The following CCDC66 variants were observed in gnomAD, a reference collection of about 807,000 sequenced individuals.
The protein encoded by CCDC66 is coiled-coil domain-containing protein 66.
A neutral mutation model predicts 128.3 loss-of-function variants in CCDC66; 133 were observed. The observed-to-expected ratio is 1.04, with a 90% CI of 0.90 to 1.20. The LOEUF is 1.20. Among genes scored for constraint, CCDC66 ranks in the 50% most tolerant of loss-of-function variants. CCDC66 has a pLI of 0.00. For missense variants in CCDC66, 1,126 were observed against 1,075.5 expected, an observed-to-expected ratio of 1.05 and a Z score of -0.66; for synonymous variants, 387 against 357.0, an observed-to-expected ratio of 1.08 and a Z score of -0.95.
At chr3:56,619,086 C>T (rs1351368852) in intron 15 of CCDC66, 185 bp from the exon 16 acceptor site, 13 of 524,808 alleles carry the variant, frequency 2.5e-5, no homozygotes, top group South Asian at 1.0e-4. Flanking sequence ...GGCACTGTGG[C>T]GTGCGCCTGT....
At chr3:56,597,160 C>T (rs1410938005) in intron 10 of CCDC66, among the ~76,000 whole-genome samples, 1 of 151,896 alleles carries the variant, frequency 6.6e-6, no homozygotes, top group Non-Finnish European at 1.5e-5. Flanking sequence ...AGAGTGTGTG[C>T]TTTCCCCAAC....
rs199546577 is a variant in CCDC66 at position 56,603,549 on chromosome 3, T to TAGTC, written c.1404+9523_1404+9526dup. On this transcript the variant is annotated intron_variant, in intron 10 of 17. Coordinates refer to ENST00000394672, the MANE Select transcript of CCDC66 (RefSeq NM_001141947.3). ...TGTCTTAATTTCGTTATTTACCCAG[T>TAGTC]AGTCATTCAGGAGCAGGTTGGTCAT... Among the ~76,000 whole-genome samples the TAGTC allele has an allele frequency of 9.4e-3, 1,436 of 152,240 alleles. 39 individuals are homozygous for TAGTC. The highest frequency in any genetic ancestry group is 0.032 in the African/African-American group (1,325 of 41,474).
In CCDC66 at chr3:56,566,732, C is replaced by T. The variant is rs1243493163; in HGVS notation, c.683C>T (p.Ser228Phe). Residue 228 changes from serine (S) to phenylalanine (F), a missense_variant, in exon 5 of 18, where the codon TCT becomes TTT. Coordinates refer to ENST00000394672, the MANE Select transcript of CCDC66 (RefSeq NM_001141947.3). ...KSVLNEHQET[S>F]KQCEQKIAIE... ...GTCTTAAATGAACATCAGGAGACATCTAAACAGTGTGAGCAAAAAATTGCC... is the reference window on the plus strand; with the variant it reads ...GTCTTAAATGAACATCAGGAGACATTTAAACAGTGTGAGCAAAAAATTGCC... 1 of 1,612,284 alleles carries T rather than the reference C, an allele frequency of 6.2e-7. No individual in the cohort carries two copies. The highest frequency in any genetic ancestry group is 8.5e-7 in the Non-Finnish European group (1 of 1,179,396).
At chr3:56,572,871 C>T (rs1226434586) in intron 7 of CCDC66, 1 of 152,264 alleles carries the variant, frequency 6.6e-6, no homozygotes, top group African/African-American at 2.4e-5. Context: ...CCCAAAAGCA[C>T]ATTGACTGAA....
chr3:56,588,396 C>T (rs943985482), intron 7 of CCDC66, among the ~76,000 whole-genome samples: 2 of 152,034 alleles, frequency 1.3e-5, no homozygotes, highest in Non-Finnish European at 2.9e-5. Context: ...TCACAGATCA[C>T]CACTAAAGAA....
intron 2 of CCDC66, among the ~76,000 whole-genome samples, chr3:56,559,336 AT>A (rs912167449): frequency 4.0e-5 from 6 of 151,144 alleles, no homozygotes; most frequent in Admixed American, 6.6e-5. Context: ...TCTCCTTCGC[AT>A]TTTTTTTTCT....
At chr3:56,559,226 T>G (rs971336735) in intron 2 of CCDC66, among the ~76,000 whole-genome samples, 1 of 152,204 alleles carries the variant, frequency 6.6e-6, no homozygotes, top group Non-Finnish European at 1.5e-5. Flanking sequence ...TCTTTGCATG[T>G]AAAGAATGTA....
intron 7 of CCDC66, among the ~76,000 whole-genome samples, chr3:56,587,965 T>G (rs1406440193): frequency 6.6e-6 from 1 of 152,252 alleles, no homozygotes; most frequent in South Asian, 2.1e-4. Flanking sequence ...GGAAAAGAAG[T>G]CATTATACGG....
Position 56,571,250 on chromosome 3 carries a change from C to G in CCDC66, c.884C>G (p.Ser295Cys), listed in dbSNP as rs2066571878. Reference sequence around the variant, plus strand: ...AAATGGAATGATCCTTGGAAAAAATCTGAAAGTGATAAAATAATATGGGAA... The same window carrying G: ...AAATGGAATGATCCTTGGAAAAAATGTGAAAGTGATAAAATAATATGGGAA... ...SEKWNDPWKK[S>C]ESDKIIWEKH... The change falls in exon 7 of 18, where the codon TCT becomes TGT. Residue 295 changes from serine (S) to cysteine (C), a missense_variant. Coordinates refer to ENST00000394672, the MANE Select transcript of CCDC66 (RefSeq NM_001141947.3). The G allele has an allele frequency of 6.5e-7, 1 of 1,545,428 alleles. No homozygotes were observed. Among genetic ancestry groups the G allele is most frequent in the Non-Finnish European group, 8.8e-7 (1 of 1,132,062 alleles).
chr3:56,564,280 T>C (rs1008169489), intron 4 of CCDC66, 155 bp downstream of exon 4: 1 of 566,984 alleles, frequency 1.8e-6, no homozygotes, highest in Non-Finnish European at 3.0e-6. Flanking sequence ...CTTTCTCTAA[T>C]ATGCAAAATT....
intron 7 of CCDC66, among the ~76,000 whole-genome samples, chr3:56,590,667 G>A (rs1416537868): frequency 6.6e-6 from 1 of 152,080 alleles, no homozygotes; most frequent in Non-Finnish European, 1.5e-5. Context: ...TCTGAGGCAG[G>A]AGGATCACTT....
intron 14 of CCDC66, chr3:56,617,922 G>A: frequency 1.7e-6 from 1 of 573,300 alleles, no homozygotes; most frequent in African/African-American, 1.9e-5. Flanking sequence ...TTCTGTAGAT[G>A]GATGCTGTGT....
At chr3:56,564,234 C>A in intron 4 of CCDC66, 109 bp downstream of exon 4, 1 of 748,682 alleles carries the variant, frequency 1.3e-6, no homozygotes, top group Non-Finnish European at 2.1e-6. Context: ...CTAATTTAAC[C>A]TGTCAATCTA....
At position 56,617,474 on chromosome 3, in the gene CCDC66, A is replaced by G; in HGVS notation, c.2206A>G (p.Met736Val). Reference sequence around the variant, plus strand: ...AGAAGAAAAAAAAGTAAGGAGGCAGATGGAATTGCTTCATTTGGTAGAAAA... The same window carrying G: ...AGAAGAAAAAAAAGTAAGGAGGCAGGTGGAATTGCTTCATTTGGTAGAAAA... ...QREEKKVRRQ[M>V]ELLHLVEKNN... Residue 736 changes from methionine (M) to valine (V), a missense_variant, in exon 14 of 18, where the codon ATG becomes GTG. Coordinates refer to ENST00000394672, the MANE Select transcript of CCDC66 (RefSeq NM_001141947.3). 6.2e-7 allele frequency: 1 copy of G among 1,614,116 alleles called. No individual in the cohort carries two copies. The highest frequency in any genetic ancestry group is 8.5e-7 in the Non-Finnish European group (1 of 1,179,996).
Position 56,615,143 on chromosome 3 carries a change from A to T in CCDC66, c.1582A>T (p.Lys528Ter), listed in dbSNP as rs1299912052. The change falls in exon 12 of 18, where the codon AAG (lysine) becomes TAG (stop). Residue 528 changes from lysine to a stop codon, truncating the protein, a stop_gained. Coordinates refer to ENST00000394672, the MANE Select transcript of CCDC66 (RefSeq NM_001141947.3). LOFTEE classifies it high-confidence loss of function. The part of the protein sequence containing the change: ...QKQKEEIMTL[K>*]TNELFQTMQR... Reference sequence around the variant, plus strand: ...ATATTGACAGGAAATCATGACTCTCAAGACAAATGAGCTATTCCAGACAAT... The same window carrying T: ...ATATTGACAGGAAATCATGACTCTCTAGACAAATGAGCTATTCCAGACAAT... The T allele has an allele frequency of 3.0e-5, 48 of 1,613,426 alleles. No homozygotes were observed. Among genetic ancestry groups the T allele is most frequent in the Non-Finnish European group, 4.0e-5 (47 of 1,179,712 alleles).
chr3:56,615,392 GCC>G, intron 12 of CCDC66, 120 bp downstream of exon 12: 1 of 923,136 alleles, frequency 1.1e-6, no homozygotes, highest in Non-Finnish European at 1.6e-6. Context: ...GTGCAGTGGT[GCC>G]ATCACAGCTC....
rs1044937164 is a variant in CCDC66 at position 56,563,578 on chromosome 3, C to T, written c.103-106C>T. 18 of 854,772 alleles carry T rather than the reference C, an allele frequency of 2.1e-5. No individual in the cohort carries two copies. The Admixed American group carries it at 4.8e-4, about 23-fold the overall frequency. 52.9% of individuals were successfully genotyped at this position (854,772 alleles called of 1,614,324 possible). On this transcript the variant is annotated intron_variant, in intron 3 of 17. Transcript: ENST00000394672. Reference sequence around the variant, plus strand: ...TCTTATGGTTATATTACCTAAATAGCAAAATGGAAAAAAGTTTAGAGGACT... The same window carrying T: ...TCTTATGGTTATATTACCTAAATAGTAAAATGGAAAAAAGTTTAGAGGACT...
intron 4 of CCDC66, chr3:56,565,298 G>C (rs2065654292): frequency 5.3e-6 from 1 of 187,826 alleles, no homozygotes; most frequent in Non-Finnish European, 1.1e-5. Context: ...TTTTGAGATG[G>C]GGTCTCGCTT....
chr3:56,607,387 T>G (rs2074226731), intron 10 of CCDC66, among the ~76,000 whole-genome samples: 1 of 152,182 alleles, frequency 6.6e-6, no homozygotes, highest in African/African-American at 2.4e-5. Context: ...CCTAAGTATT[T>G]TATATATTTT....
Sources: allele counts gnomAD v4.1 joint callset (sites outside exome capture counted in the v4.1 genomes callset), GRCh38; gene constraint gnomAD v4.1.1; transcripts MANE v1.5; gene names NCBI Gene and HGNC (gene_info 2026-07-23, HGNC 2026-07-21).